CTNNA3: variants seen among roughly 807,000 people sequenced by gnomAD.
The protein encoded by CTNNA3 is catenin alpha 3.
CTNNA3 carries 76 observed loss-of-function variants against 95.7 expected under a neutral mutation model. The ratio of observed to expected loss-of-function variants is 0.79; its 90% CI spans 0.66 to 0.96. CTNNA3 has a LOEUF of 0.96. CTNNA3 is among the 40% of genes least tolerant of loss of function. The probability of loss-of-function intolerance (pLI) is 0.00; values close to 1 mark genes in which losing one functional copy is unlikely to be tolerated. For synonymous variants in CTNNA3, 431 were observed against 374.4 expected (o/e 1.15, Z -1.74); for missense variants, 1,191 against 1,089.8 (o/e 1.09, Z -1.31).
chr10:66,881,784 A>G (rs1844861642), intron 7 of CTNNA3, among the ~76,000 whole-genome samples: 1 of 152,146 alleles, frequency 6.6e-6, no homozygotes, highest in South Asian at 2.1e-4. Flanking sequence ...TAAATAACTC[A>G]CATGGAAACT....
At chr10:67,739,996 TA>T (rs1461441466) in intron 1 of CTNNA3, among the ~76,000 whole-genome samples, 1 of 152,102 alleles carries the variant, frequency 6.6e-6, no homozygotes, top group Non-Finnish European at 1.5e-5. Flanking sequence ...CCCTCAGAAA[TA>T]ACGCCGCATA....
chr10:66,570,806 T>G (rs11595237), intron 10 of CTNNA3, among the ~76,000 whole-genome samples: 7,896 of 152,240 alleles, frequency 0.052, 236 homozygotes, highest in Middle Eastern at 0.1. Context: ...TCCTTTATCC[T>G]CTGAAAGAAA....
intron 14 of CTNNA3, among the ~76,000 whole-genome samples, chr10:66,080,783 G>A (rs114834199): frequency 1.7e-3 from 256 of 152,198 alleles, no homozygotes; most frequent in African/African-American, 5.8e-3. Context: ...GGACATTAGT[G>A]GAGATGGTCA....
chr10:67,208,378 C>CAAAAAAAA (rs3056794), intron 6 of CTNNA3, among the ~76,000 whole-genome samples: 2 of 93,180 alleles, frequency 2.1e-5, no homozygotes, highest in Admixed American at 2.5e-4. Flanking sequence ...GACTCTGTCT[C>CAAAAAAAA]AAAAAAAAAA....
chr10:67,351,128 T>G (rs1304035449), intron 5 of CTNNA3, among the ~76,000 whole-genome samples: 1 of 102,942 alleles, frequency 9.7e-6, no homozygotes, highest in African/African-American at 3.2e-5. Context: ...CAAAAGGCTA[T>G]AGTATGATTC....
At chr10:66,034,093 T>C (rs2079508488) in intron 15 of CTNNA3, among the ~76,000 whole-genome samples, 1 of 152,146 alleles carries the variant, frequency 6.6e-6, no homozygotes, top group Non-Finnish European at 1.5e-5. Flanking sequence ...GATATGACAA[T>C]AAATAAATTA....
At chr10:66,018,446 G>A (rs527644205) in intron 15 of CTNNA3, among the ~76,000 whole-genome samples, 1 of 151,942 alleles carries the variant, frequency 6.6e-6, no homozygotes, top group Admixed American at 6.6e-5. Flanking sequence ...ATTATTTTGA[G>A]AAAAATAATG....
chr10:67,662,870 G>A (rs932212125), intron 1 of CTNNA3, among the ~76,000 whole-genome samples: 8 of 151,848 alleles, frequency 5.3e-5, no homozygotes, highest in Admixed American at 2.0e-4. Flanking sequence ...GTTATTTCTC[G>A]GTAAATTTGA....
intron 7 of CTNNA3, among the ~76,000 whole-genome samples, chr10:67,065,744 A>G (rs115038662): frequency 0.013 from 1,997 of 152,286 alleles, 48 homozygotes; most frequent in African/African-American, 0.045. Flanking sequence ...AAGGAGGCAT[A>G]TATGTGAATG....
intron 9 of CTNNA3, among the ~76,000 whole-genome samples, chr10:66,732,937 A>C (rs1564646363): frequency 6.6e-6 from 1 of 152,048 alleles, no homozygotes; most frequent in South Asian, 2.1e-4. Flanking sequence ...CTGGGATTAC[A>C]GGCACCAGCC....
chr10:66,912,904 C>CA (rs1410603598), intron 7 of CTNNA3, among the ~76,000 whole-genome samples: 2 of 152,148 alleles, frequency 1.3e-5, no homozygotes, highest in Middle Eastern at 6.8e-3. Flanking sequence ...CAAGTAAATA[C>CA]AATATATCCA....
intron 15 of CTNNA3, among the ~76,000 whole-genome samples, chr10:66,068,508 G>T (rs2080361683): frequency 6.6e-6 from 1 of 152,054 alleles, no homozygotes; most frequent in Non-Finnish European, 1.5e-5. Flanking sequence ...AAAATTAACA[G>T]TTATTTCATT....
intron 1 of CTNNA3, among the ~76,000 whole-genome samples, chr10:67,715,710 T>A (rs910656845): frequency 6.6e-6 from 1 of 152,100 alleles, no homozygotes; most frequent in Admixed American, 6.6e-5. Context: ...ATAGATTGAA[T>A]AAACATTGAG....
At position 67,100,792 on chromosome 10, in the gene CTNNA3, A is replaced by C. The variant is rs1255933228; in HGVS notation, c.1047+79525T>G. Among the ~76,000 whole-genome samples, 3 of 151,826 alleles carry C rather than the reference A, an allele frequency of 2.0e-5. No individual in the cohort carries two copies. The East Asian group carries it at 5.8e-4, about 30-fold the overall frequency. On this transcript the variant is annotated intron_variant, in intron 7 of 17. Coordinates refer to ENST00000433211, the MANE Select transcript of CTNNA3 (RefSeq NM_013266.4). ...CTTCATAACAACCCTATGAAGACAC[A>C]TTAATCTCAAAGAAATTGAGCTCTT...
intron 13 of CTNNA3, among the ~76,000 whole-genome samples, chr10:66,255,101 A>G (rs569593254): frequency 6.6e-6 from 1 of 152,330 alleles, no homozygotes; most frequent in African/African-American, 2.4e-5. Flanking sequence ...TGTGGACCCC[A>G]TTTTGAATTG....
chr10:66,304,252 A>G (rs1322848047), intron 12 of CTNNA3, among the ~76,000 whole-genome samples: 2 of 152,194 alleles, frequency 1.3e-5, no homozygotes, highest in Admixed American at 1.3e-4. Flanking sequence ...ATCTAAGTCT[A>G]TAGAAGGTTG....
intron 2 of CTNNA3, among the ~76,000 whole-genome samples, chr10:67,613,842 T>A (rs992049595): frequency 1.3e-5 from 2 of 152,178 alleles, no homozygotes; most frequent in Non-Finnish European, 2.9e-5. Context: ...AGACAACTTT[T>A]CCACAGACCC....
chr10:67,650,911 C>T (rs968596404), intron 1 of CTNNA3, among the ~76,000 whole-genome samples: 1 of 152,072 alleles, frequency 6.6e-6, no homozygotes, highest in African/African-American at 2.4e-5. Flanking sequence ...AAACAGAAAA[C>T]ATTTGGCACC....
At chr10:66,469,050 C>T (rs186334397) in intron 11 of CTNNA3, among the ~76,000 whole-genome samples, 142 of 151,790 alleles carry the variant, frequency 9.4e-4, no homozygotes, top group Non-Finnish European at 1.8e-3. Flanking sequence ...GGATCCAATG[C>T]ACAAATGCAT....
Sources: gnomAD v4.1 joint callset for allele counts (sites outside exome capture counted in the v4.1 genomes callset) on GRCh38, gnomAD v4.1.1 for gene constraint, MANE v1.5 for transcripts, NCBI Gene and HGNC (gene_info 2026-07-23, HGNC 2026-07-21) for gene names.